PAK1: variants seen among roughly 807,000 people sequenced by gnomAD.
PAK1 encodes p21 (RAC1) activated kinase 1.
In PAK1, 29 loss-of-function variants were observed where a neutral mutation model predicts 67.4. The observed-to-expected ratio is 0.43, with a 90% confidence interval of 0.32 to 0.59. PAK1 has a LOEUF of 0.59. PAK1 is among the 20% of genes least tolerant of loss of function. The pLI, the probability that PAK1 is intolerant of heterozygous loss-of-function variation, is 0.07. For missense variants in PAK1, 337 were observed against 670.7 expected, an observed-to-expected ratio of 0.50 and a Z score of 5.50; for synonymous variants, 223 against 237.4, an observed-to-expected ratio of 0.94 and a Z score of 0.56.
chr11:77,453,543 G>A (rs1342104842), intron 1 of PAK1, among the ~76,000 whole-genome samples: 1 of 150,914 alleles, frequency 6.6e-6, no homozygotes, highest in African/African-American at 2.4e-5. Flanking sequence ...AGGGGGAAAA[G>A]GGCATGGTAT....
chr11:77,417,002 G>C (rs113096048), intron 1 of PAK1, among the ~76,000 whole-genome samples: 4,419 of 151,968 alleles, frequency 0.029, 124 homozygotes, highest in African/African-American at 0.073. Flanking sequence ...ATGACTGGCA[G>C]CACAGCAGGT....
rs71043580 is a variant in PAK1 at position 77,460,323 on chromosome 11, C to CT, written c.-22+13228dup. On this transcript the variant is annotated intron_variant, in intron 1 of 14. Transcript: ENST00000356341. Reference sequence around the variant, plus strand: ...CTGTGGCTATAAGGTTTTTTGTTTGCTTTTTTTTTTTTTTTTTTAAAGTTA... The same window carrying CT: ...CTGTGGCTATAAGGTTTTTTGTTTGCTTTTTTTTTTTTTTTTTTTAAAGTTA... Among the ~76,000 whole-genome samples, 941 of 131,480 alleles carry CT rather than the reference C, an allele frequency of 7.2e-3. 10 individuals carry two copies. Among genetic ancestry groups the CT allele is most frequent in the African/African-American group, 0.025 (852 of 34,584 alleles). 86.3% of individuals were successfully genotyped at this position (131,480 alleles called of 152,430 possible).
chr11:77,367,716 C>T (rs954908679), intron 5 of PAK1, among the ~76,000 whole-genome samples: 1 of 152,142 alleles, frequency 6.6e-6, no homozygotes, highest in South Asian at 2.1e-4. Context: ...TGGTGGCTCA[C>T]GCCTGTAATC....
chr11:77,341,825 C>T (rs942991036), intron 10 of PAK1, among the ~76,000 whole-genome samples: 2 of 152,160 alleles, frequency 1.3e-5, no homozygotes, highest in African/African-American at 4.8e-5. Flanking sequence ...TGCAATCAAG[C>T]AAGGGTAAGA....
intron 1 of PAK1, among the ~76,000 whole-genome samples, chr11:77,437,388 T>A: frequency 6.6e-6 from 1 of 152,200 alleles, no homozygotes; most frequent in East Asian, 1.9e-4. Context: ...ACTTATACGA[T>A]TATTATGAGG....
In PAK1 at chr11:77,390,885, T is replaced by C. The variant is rs887941850; in HGVS notation, c.190+1446A>G. On this transcript the variant is annotated intron_variant, in intron 2 of 14. Transcript: ENST00000356341. ...CATACACATAACGATATAAGCCCAA[T>C]GTACTCATTAAAAGTCCTTATTATT... Among the ~76,000 whole-genome samples, 23 of 152,172 alleles carry C rather than the reference T, an allele frequency of 1.5e-4. 1 individual carries two copies. Among genetic ancestry groups the C allele is most frequent in the Admixed American group, 1.5e-3 (23 of 15,262 alleles).
chr11:77,525,025 T>TAG, the PAK1 span, among the ~76,000 whole-genome samples: 1 of 152,094 alleles, frequency 6.6e-6, no homozygotes, highest in Non-Finnish European at 1.5e-5. Context: ...TTTTCAAACT[T>TAG]TACTGAGTTA....
chr11:77,347,005 C>T (rs1944525124), intron 9 of PAK1: 1 of 456,196 alleles, frequency 2.2e-6, no homozygotes, highest in Non-Finnish European at 4.4e-6. Flanking sequence ...CCCTTCTCAG[C>T]TGGATAACCC....
the PAK1 span, among the ~76,000 whole-genome samples, chr11:77,522,194 C>T: frequency 9.6e-4 from 146 of 152,294 alleles, no homozygotes; most frequent in African/African-American, 2.8e-3. Flanking sequence ...GCCAGGCCAG[C>T]GATGGGTTTG....
the PAK1 span, among the ~76,000 whole-genome samples, chr11:77,487,783 T>C: frequency 6.6e-6 from 1 of 152,134 alleles, no homozygotes; most frequent in Admixed American, 6.5e-5. Context: ...GAGCACCAGG[T>C]AGATCCCTAA....
At chr11:77,419,964 A>C (rs1302634737) in intron 1 of PAK1, among the ~76,000 whole-genome samples, 2 of 152,234 alleles carry the variant, frequency 1.3e-5, no homozygotes, top group African/African-American at 4.8e-5. Context: ...CAAGCAAAAG[A>C]AAGATGGAAA....
intron 1 of PAK1, among the ~76,000 whole-genome samples, chr11:77,468,895 A>G (rs1415961010): frequency 6.6e-6 from 1 of 152,210 alleles, no homozygotes; most frequent in African/African-American, 2.4e-5. Context: ...TTCTATTAAT[A>G]TGATCCTCAG....
intron 1 of PAK1, among the ~76,000 whole-genome samples, chr11:77,456,680 A>T (rs556124642): frequency 1.3e-5 from 2 of 152,264 alleles, no homozygotes; most frequent in South Asian, 4.1e-4. Context: ...GTGCTTTACA[A>T]CTACTACCTC....
chr11:77,469,455 G>T (rs114750143), intron 1 of PAK1, among the ~76,000 whole-genome samples: 1 of 152,114 alleles, frequency 6.6e-6, no homozygotes, highest in Admixed American at 6.5e-5. Context: ...ACTTTTCAAA[G>T]ATTCCTTTAT....
chr11:77,407,317 T>C (rs1038639636), intron 1 of PAK1, among the ~76,000 whole-genome samples: 7 of 152,202 alleles, frequency 4.6e-5, no homozygotes, highest in African/African-American at 1.7e-4. Flanking sequence ...TGTTTGACCA[T>C]GGAACTAAAT....
chr11:77,455,519 G>C lies in PAK1; in HGVS notation c.-22+18033C>G, dbSNP rs561721445. Among the ~76,000 whole-genome samples, 5 of 152,302 alleles carry C rather than the reference G, an allele frequency of 3.3e-5. No individual in the cohort carries two copies. In the South Asian group the frequency reaches 1.0e-3, roughly 32 times the overall value. On this transcript the variant is annotated intron_variant, in intron 1 of 14. Transcript: ENST00000356341. ...AGGTTCCTGATTCTGGCAAAGAGCAGCATCCTTGGGGACTCAGTTATTCAA... is the reference window on the plus strand; with the variant it reads ...AGGTTCCTGATTCTGGCAAAGAGCACCATCCTTGGGGACTCAGTTATTCAA...
rs890209199 is a variant in PAK1 at position 77,322,982 on chromosome 11, C to A, written c.*292G>T. 5.0e-6 allele frequency: 3 copies of A among 603,720 alleles called. No individual in the cohort carries two copies. The Admixed American group carries it at 8.6e-5, about 17-fold the overall frequency. 37.4% of individuals were successfully genotyped at this position (603,720 alleles called of 1,614,324 possible). ...TGAAGGAGGTGAGGATTTTGACACA[C>A]GGAAGACTAGAAACATTTATTTATA... On this transcript the variant is annotated 3_prime_UTR_variant, in exon 15 of 15. Transcript: ENST00000356341.
chr11:77,330,035 T>C (rs1050427663), intron 14 of PAK1, among the ~76,000 whole-genome samples: 5 of 152,084 alleles, frequency 3.3e-5, no homozygotes, highest in African/African-American at 9.7e-5. Flanking sequence ...CCATTCACAA[T>C]TGCTTCAAAG....
chr11:77,378,775 A>G (rs1399552228), intron 4 of PAK1, among the ~76,000 whole-genome samples: 2 of 152,026 alleles, frequency 1.3e-5, no homozygotes, highest in African/African-American at 4.8e-5. Flanking sequence ...TTTTGTAGAG[A>G]CAGGGTTTTG....
Sources: allele counts gnomAD v4.1 joint callset (sites outside exome capture counted in the v4.1 genomes callset), GRCh38; gene constraint gnomAD v4.1.1; transcripts MANE v1.5; gene names NCBI Gene and HGNC (gene_info 2026-07-23, HGNC 2026-07-21).